The following MYO3B variants were observed in gnomAD, a reference collection of about 807,000 sequenced individuals.
MYO3B encodes myosin IIIB.
MYO3B carries 156 observed loss-of-function variants against 174.6 expected under a neutral mutation model. The ratio of observed to expected loss-of-function variants is 0.89; its 90% CI spans 0.78 to 1.02. The LOEUF is 1.02. Among genes scored for constraint, MYO3B ranks in the 50% least tolerant of loss-of-function variants. The probability of loss-of-function intolerance (pLI) is 0.00; values close to 1 mark genes in which losing one functional copy is unlikely to be tolerated. For synonymous variants in MYO3B, 563 were observed against 569.1 expected (o/e 0.99, Z 0.15); for missense variants, 1,632 against 1,639.4 (o/e 1.00, Z 0.08).
chr2:170,190,636 C>T (rs1394592383), intron 1 of MYO3B, among the ~76,000 whole-genome samples: 1 of 152,094 alleles, frequency 6.6e-6, no homozygotes, highest in East Asian at 1.9e-4. Context: ...CCACCCAGGC[C>T]ATAGTAAGAA....
chr2:170,407,452 C>T (rs1243843158), intron 21 of MYO3B, among the ~76,000 whole-genome samples: 1 of 152,016 alleles, frequency 6.6e-6, no homozygotes, highest in African/African-American at 2.4e-5. Flanking sequence ...CAGAGTAAGA[C>T]TCCATCTCAA....
chr2:170,518,684 C>A (rs1213708663), intron 29 of MYO3B, among the ~76,000 whole-genome samples: 1 of 152,178 alleles, frequency 6.6e-6, no homozygotes, highest in Non-Finnish European at 1.5e-5. Flanking sequence ...TTGATAAAAA[C>A]ACAGATTGCC....
intron 22 of MYO3B, among the ~76,000 whole-genome samples, chr2:170,443,213 T>C (rs1009275458): frequency 1.3e-5 from 2 of 152,206 alleles, no homozygotes; most frequent in African/African-American, 4.8e-5. Context: ...GGTATCTCAT[T>C]GTGGTTTTGA....
At chr2:170,525,062 A>G (rs1448530258) in intron 30 of MYO3B, among the ~76,000 whole-genome samples, 1 of 152,120 alleles carries the variant, frequency 6.6e-6, no homozygotes, top group Admixed American at 6.5e-5. Context: ...TAAATCTTAA[A>G]TCACCACCCA....
At chr2:170,352,639 A>T (rs1332028304) in intron 8 of MYO3B, among the ~76,000 whole-genome samples, 2 of 152,172 alleles carry the variant, frequency 1.3e-5, no homozygotes, top group Admixed American at 6.5e-5. Context: ...ACTCGTTTTC[A>T]TGGTGTAAAT....
chr2:170,572,273 C>T (rs1348265538), intron 32 of MYO3B, among the ~76,000 whole-genome samples: 1 of 151,904 alleles, frequency 6.6e-6, no homozygotes, highest in African/African-American at 2.4e-5. Context: ...ACTAAAAATA[C>T]AAAAATTAGC....
intron 32 of MYO3B, among the ~76,000 whole-genome samples, chr2:170,591,874 C>T (rs1012853073): frequency 2.0e-5 from 3 of 152,214 alleles, no homozygotes; most frequent in African/African-American, 7.2e-5. Context: ...AATCTAGAAC[C>T]AGCTGCAAAT....
intron 12 of MYO3B, among the ~76,000 whole-genome samples, chr2:170,384,161 A>G (rs1464295567): frequency 6.6e-6 from 1 of 152,234 alleles, no homozygotes; most frequent in African/African-American, 2.4e-5. Flanking sequence ...ATAGAATGGC[A>G]TAAGTGAAAT....
rs548776845 is a variant in MYO3B, at chr2:170,288,278, A to C, written c.750-47107A>C. ...CTGTGAAGAATGTCATTGGTATTCTAATAGGGACTTCATTGAATCTGTAAA... is the reference window on the plus strand; with the variant it reads ...CTGTGAAGAATGTCATTGGTATTCTCATAGGGACTTCATTGAATCTGTAAA... On this transcript the variant is annotated intron_variant, in intron 7 of 34. Coordinates refer to ENST00000408978, the MANE Select transcript of MYO3B (RefSeq NM_138995.5). Among the ~76,000 whole-genome samples, 9 of 151,580 alleles carry C rather than the reference A, an allele frequency of 5.9e-5. No homozygotes were observed. In the South Asian group the frequency reaches 1.9e-3, roughly 32 times the overall value.
chr2:170,214,907 TG>T (rs2092811409), intron 5 of MYO3B, 79 bp downstream of exon 5: 1 of 1,076,632 alleles, frequency 9.3e-7, no homozygotes, highest in Non-Finnish European at 1.4e-6. Context: ...CTCAGAAGAC[TG>T]GGGCTTCTCT....
At chr2:170,407,598 C>CTCTGGATATGAAAGCTCTGGA in intron 21 of MYO3B, 117 bp from the exon 22 acceptor site, 25 of 1,100,348 alleles carry the variant, frequency 2.3e-5, no homozygotes, top group Admixed American at 7.9e-5. Context: ...GATATGAAAG[C>CTCTGGATATGAAAGCTCTGGA]TATGTAAAGA....
intron 32 of MYO3B, among the ~76,000 whole-genome samples, chr2:170,625,327 C>T (rs1015380950): frequency 6.6e-6 from 1 of 152,200 alleles, no homozygotes; most frequent in African/African-American, 2.4e-5. Flanking sequence ...TTATCCATTT[C>T]TTCTAGATTT....
intron 8 of MYO3B, chr2:170,343,582 A>T (rs1367012522): frequency 1.3e-5 from 2 of 152,236 alleles, no homozygotes; most frequent in Non-Finnish European, 2.9e-5. Flanking sequence ...GAACAGTGGG[A>T]AGGAAAATGG....
chr2:170,345,939 A>AG (rs2094012829), intron 8 of MYO3B, among the ~76,000 whole-genome samples: 1 of 151,978 alleles, frequency 6.6e-6, no homozygotes, highest in Non-Finnish European at 1.5e-5. Flanking sequence ...GTACTTCCAG[A>AG]GGGAGAATAG....
intron 26 of MYO3B, among the ~76,000 whole-genome samples, chr2:170,499,140 C>G (rs1687063224): frequency 6.6e-6 from 1 of 152,132 alleles, no homozygotes; most frequent in Non-Finnish European, 1.5e-5. Flanking sequence ...ACGTCACGTC[C>G]CCATAGGATC....
chr2:170,491,400 G>A (rs1326595486), intron 25 of MYO3B, among the ~76,000 whole-genome samples: 1 of 151,956 alleles, frequency 6.6e-6, no homozygotes, highest in Non-Finnish European at 1.5e-5. Context: ...GAACATACTT[G>A]TGTGACTTGA....
At chr2:170,310,554 C>T (rs953403484) in intron 7 of MYO3B, among the ~76,000 whole-genome samples, 3 of 146,448 alleles carry the variant, frequency 2.0e-5, no homozygotes, top group African/African-American at 7.5e-5. Context: ...ATCCCAGCTA[C>T]TTGGGAGGCT....
At chr2:170,308,283 T>C (rs2093714265) in intron 7 of MYO3B, among the ~76,000 whole-genome samples, 1 of 152,228 alleles carries the variant, frequency 6.6e-6, no homozygotes, top group South Asian at 2.1e-4. Flanking sequence ...CAGCGCCCTT[T>C]GGAGGCCTCT....
At chr2:170,473,603 G>A (rs1390701576) in intron 25 of MYO3B, among the ~76,000 whole-genome samples, 1 of 152,170 alleles carries the variant, frequency 6.6e-6, no homozygotes, top group Non-Finnish European at 1.5e-5. Context: ...TTTCAGGTAA[G>A]TCATAGTAGC....
Sources: allele counts gnomAD v4.1 joint callset (sites outside exome capture counted in the v4.1 genomes callset), GRCh38; gene constraint gnomAD v4.1.1; transcripts MANE v1.5; gene names NCBI Gene and HGNC (gene_info 2026-07-23, HGNC 2026-07-21).